The following SCD variants were observed in gnomAD, a reference collection of about 807,000 sequenced individuals.
The protein encoded by SCD is acyl-CoA desaturase.
In SCD, 4 loss-of-function variants were observed where a neutral mutation model predicts 35.7. The ratio of observed to expected loss-of-function variants is 0.11; its 90% confidence interval spans 0.06 to 0.26. SCD has a LOEUF of 0.26. Among genes scored for constraint, SCD ranks in the 10% least tolerant of loss-of-function variants. SCD has a pLI of 1.00. For missense variants in SCD, 282 were observed against 460.7 expected (o/e 0.61, Z 3.55); for synonymous variants, 150 against 170.2 (o/e 0.88, Z 0.92).
chr10:100,358,749 A>C, intron 5 of SCD, among the ~76,000 whole-genome samples: 1 of 142,246 alleles, frequency 7.0e-6, no homozygotes, highest in East Asian at 2.0e-4. Context: ...TCTCTACTTA[A>C]AAAAAAAAAA....
At position 100,356,807 on chromosome 10, in the gene SCD, G is replaced by T. The variant is rs370734974; in HGVS notation, c.880+43G>T. 15 of 1,455,432 alleles carry T rather than the reference G, an allele frequency of 1.0e-5. No individual in the cohort carries two copies. The highest frequency in any genetic ancestry group is 1.4e-5 in the African/African-American group (1 of 71,732). 90.2% of individuals were successfully genotyped at this position (1,455,432 alleles called of 1,614,324 possible). A position where few individuals can be genotyped will look rare whatever the true frequency, so the allele number is the denominator to read the frequency against. ...GTAAGACTACATCCAGTGGTCTGCTGATTAGGGGATTAGGCTAGGAGCCAG... is the reference window on the plus strand; with the variant it reads ...GTAAGACTACATCCAGTGGTCTGCTTATTAGGGGATTAGGCTAGGAGCCAG... On this transcript the variant is annotated intron_variant, in intron 5 of 5. Coordinates refer to ENST00000370355, the MANE Select transcript of SCD (RefSeq NM_005063.5). This position sits in a 1 kb window ranked among gnomAD's most constrained non-coding sequence, Gnocchi z 4.1.
chr10:100,347,611 A>G (rs1377315478), intron 1 of SCD, 80 bp downstream of exon 1: 1 of 1,519,096 alleles, frequency 6.6e-7, no homozygotes, highest in Non-Finnish European at 9.1e-7. Flanking sequence ...GTGGCAGAAG[A>G]GAGGGGAGAG....
intron 1 of SCD, 141 bp downstream of exon 1, chr10:100,347,672 T>C (rs1261157631): frequency 2.2e-6 from 2 of 905,036 alleles, no homozygotes; most frequent in African/African-American, 3.3e-5. Flanking sequence ...CTTCCGTGAG[T>C]TGGGAATGTG....
At chr10:100,354,332 G>A in intron 3 of SCD, 95 bp from the exon 4 acceptor site, 7 of 1,094,590 alleles carry the variant, frequency 6.4e-6, no homozygotes, top group Admixed American at 3.5e-5. Flanking sequence ...GTGAGGTTGG[G>A]CTGAGCGCCT....
chr10:100,354,865 T>C (rs546165636), intron 4 of SCD, among the ~76,000 whole-genome samples: 15 of 152,310 alleles, frequency 9.8e-5, no homozygotes, highest in Middle Eastern at 3.4e-3. Flanking sequence ...ATTCAAGAGA[T>C]GTTTATTGTC....
chr10:100,353,890 G>C (rs887083594), intron 3 of SCD, among the ~76,000 whole-genome samples: 2 of 152,248 alleles, frequency 1.3e-5, no homozygotes, highest in African/African-American at 4.8e-5. Context: ...TCATGAAGAA[G>C]CCCAGAGGTC....
Position 100,356,965 on chromosome 10 carries a change from A to G in SCD, c.880+201A>G, listed in dbSNP as rs1475147667. Among the ~76,000 whole-genome samples, 1 of 152,244 alleles carries G rather than the reference A, an allele frequency of 6.6e-6. No homozygotes were observed. Among genetic ancestry groups the G allele is most frequent in the Non-Finnish European group, 1.5e-5 (1 of 68,042 alleles). ...TTTTATGTAAAAATGAAAGGATAAGAAACAAAACACAAAAAAACACTGATT... is the reference window on the plus strand; with the variant it reads ...TTTTATGTAAAAATGAAAGGATAAGGAACAAAACACAAAAAAACACTGATT... On this transcript the variant is annotated intron_variant, in intron 5 of 5. Coordinates refer to ENST00000370355, the MANE Select transcript of SCD (RefSeq NM_005063.5). This position sits in a 1 kb window ranked among gnomAD's most constrained non-coding sequence, Gnocchi z 4.1.
At chr10:100,349,706 G>A (rs913714072) in intron 2 of SCD, among the ~76,000 whole-genome samples, 1 of 152,118 alleles carries the variant, frequency 6.6e-6, no homozygotes, top group Admixed American at 6.5e-5. Flanking sequence ...TGTCACAGCC[G>A]CAGAGACAGA....
chr10:100,353,306 C>G (rs562764609), intron 3 of SCD, among the ~76,000 whole-genome samples: 95 of 152,260 alleles, frequency 6.2e-4, no homozygotes, highest in Non-Finnish European at 1.0e-3. Flanking sequence ...AAAAACAAAC[C>G]TGGGCACGGT....
At chr10:100,357,292 C>T (rs987817010) in intron 5 of SCD, among the ~76,000 whole-genome samples, 12 of 152,218 alleles carry the variant, frequency 7.9e-5, no homozygotes, top group Non-Finnish European at 1.2e-4. Context: ...ACAATGGGAT[C>T]ATCTGAGTGG....
At chr10:100,360,397 A>G (rs1362820206) in intron 5 of SCD, among the ~76,000 whole-genome samples, 1 of 152,136 alleles carries the variant, frequency 6.6e-6, no homozygotes, top group Admixed American at 6.5e-5. Flanking sequence ...AGGCTCCCAG[A>G]CAGCCACGGG....
rs202170126 is a variant in SCD, at chr10:100,361,141, T to G, written c.*208T>G. ...GCTGATATTATTTCTTCTCTTATCC[T>G]CTCTCTCTTCTAGGCCCATTGTCCT... On this transcript the variant is annotated 3_prime_UTR_variant, in exon 6 of 6. Transcript: ENST00000370355. 1.8e-6 allele frequency: 1 copy of G among 569,816 alleles called. No homozygotes were observed. The highest frequency in any genetic ancestry group is 3.1e-6 in the Non-Finnish European group (1 of 321,880). 35.3% of individuals were successfully genotyped at this position (569,816 alleles called of 1,614,324 possible).
intron 2 of SCD, among the ~76,000 whole-genome samples, chr10:100,351,824 T>A (rs1471009373): frequency 6.6e-6 from 1 of 152,142 alleles, no homozygotes; most frequent in African/African-American, 2.4e-5. Context: ...AAATTATCTG[T>A]AGAGGCAAGG....
rs1369211327 is a variant in SCD, at chr10:100,356,453, C to A, written c.648-79C>A. ...TCAACATGGAAGAAAGACAGCCCAT[C>A]CCCTCCCAATTAGTGTGGAAGATCC... On this transcript the variant is annotated intron_variant, in intron 4 of 5. Coordinates refer to ENST00000370355, the MANE Select transcript of SCD (RefSeq NM_005063.5). This position sits in a 1 kb window ranked among gnomAD's most constrained non-coding sequence, Gnocchi z 4.1. The A allele has an allele frequency of 2.8e-6, 1 of 355,250 alleles. No individual in the cohort carries two copies. Among genetic ancestry groups the A allele is most frequent in the Non-Finnish European group, 4.6e-6 (1 of 218,464 alleles). The allele number at this position is 355,250 out of a possible 1,614,324, so 22.0% of individuals were successfully genotyped here. A position where few individuals can be genotyped will look rare whatever the true frequency, so the allele number is the denominator to read the frequency against.
In SCD at chr10:100,354,630, G is replaced by A. The variant is rs142218340; in HGVS notation, c.645G>A (p.Arg215=). Residue 215 remains arginine (R), a splice_region_variant and synonymous_variant, in exon 4 of 6, where the codon AGG becomes AGA. Transcript: ENST00000370355. ...LEAEKLVMFQ[R]RYYKPGLLMM... is the part of the protein sequence containing the mutation. ...CTGAGAAACTGGTGATGTTCCAGAG[G>A]AGGTGAGTGAAGCCCTGATGGAGGT... 22 of 1,613,732 alleles carry A rather than the reference G, an allele frequency of 1.4e-5. No individual in the cohort carries two copies. The African/African-American group carries it at 1.7e-4, about 13-fold the overall frequency.
rs145271308 is a variant in SCD at position 100,347,992 on chromosome 10, T to A, written c.28-72T>A. On this transcript the variant is annotated intron_variant, in intron 1 of 5. Coordinates refer to ENST00000370355, the MANE Select transcript of SCD (RefSeq NM_005063.5). Reference sequence around the variant, plus strand: ...ACTGTCCACCCTTCCCCCAGCGTGATTAGAGAGCGGAGTGGCCCCAGCTGC... The same window carrying A: ...ACTGTCCACCCTTCCCCCAGCGTGAATAGAGAGCGGAGTGGCCCCAGCTGC... 5.1e-4 allele frequency: 741 copies of A among 1,459,734 alleles called. 2 individuals carry two copies. The African/African-American group carries it at 7.5e-3, about 15-fold the overall frequency. The allele number at this position is 1,459,734 out of a possible 1,614,324, so 90.4% of individuals were successfully genotyped here.
In SCD at chr10:100,356,741, T is replaced by G; in HGVS notation, c.857T>G (p.Ile286Ser). ...YDKNISPREN[I>S]LVSLGAVGEG... ...AAGAACATTAGCCCCCGGGAGAATA[T>G]CCTGGTTTCACTTGGAGCTGTGGGT... is the stretch of plus-strand genomic sequence containing the variant. Residue 286 changes from isoleucine (I) to serine (S), a missense_variant, in exon 5 of 6, where the codon ATC becomes AGC. Physicochemically the swap from Ile to Ser is moderately radical, Grantham distance 142. This residue lies in a region of SCD where 205 missense variants were observed against 372.3 expected (regional missense o/e 0.55). Coordinates refer to ENST00000370355, the MANE Select transcript of SCD (RefSeq NM_005063.5). The surrounding 1 kb of genome is among the most constrained non-coding windows in gnomAD (Gnocchi z 4.1). 1 of 1,614,230 alleles carries G rather than the reference T, an allele frequency of 6.2e-7. No individual in the cohort carries two copies. The highest frequency in any genetic ancestry group is 8.5e-7 in the Non-Finnish European group (1 of 1,180,032).
intron 2 of SCD, among the ~76,000 whole-genome samples, chr10:100,350,695 A>G (rs1564625213): frequency 6.6e-6 from 1 of 152,222 alleles, no homozygotes; most frequent in Non-Finnish European, 1.5e-5. Context: ...AGGATCTTAT[A>G]TACGTTCTGA....
intron 4 of SCD, among the ~76,000 whole-genome samples, chr10:100,355,915 A>T (rs915239515): frequency 6.6e-6 from 1 of 152,236 alleles, no homozygotes; most frequent in African/African-American, 2.4e-5. Context: ...TAGCTAGCAG[A>T]AAATGGAGGC....
Sources: allele counts gnomAD v4.1 joint callset (sites outside exome capture counted in the v4.1 genomes callset), GRCh38; gene constraint gnomAD v4.1.1; regional missense constraint gnomAD v4.1.1; non-coding constraint Gnocchi (gnomAD v3.1); transcripts MANE v1.5; gene names NCBI Gene and HGNC (gene_info 2026-07-23, HGNC 2026-07-21).